Variants in SCN2A observed in about 807,000 individuals in gnomAD.
SCN2A encodes the protein sodium channel protein type 2 subunit alpha.
In SCN2A, 20 loss-of-function variants were observed where a neutral mutation model predicts 188.7. The ratio of observed to expected loss-of-function variants is 0.11; its 90% confidence interval spans 0.07 to 0.15. The LOEUF (loss-of-function observed/expected upper bound fraction) is 0.15. SCN2A is among the 10% of genes least tolerant of loss of function. The pLI, the probability that SCN2A is intolerant of heterozygous loss-of-function variation, is 1.00. For synonymous variants in SCN2A, 804 were observed against 833.1 expected, an observed-to-expected ratio of 0.97 and a Z score of 0.60; for missense variants, 1,278 against 2,445.0, an observed-to-expected ratio of 0.52 and a Z score of 10.07.
At chr2:165,359,013 C>T (rs1219189021) in intron 17 of SCN2A, among the ~76,000 whole-genome samples, 1 of 152,004 alleles carries the variant, frequency 6.6e-6, no homozygotes, top group Non-Finnish European at 1.5e-5. Context: ...ATACAGTTTC[C>T]TCTCCTTTTG....
Position 165,290,839 on chromosome 2 carries a change from A to G in SCN2A, c.-51-4934A>G, listed in dbSNP as rs114645478. On this transcript the variant is annotated intron_variant, in intron 1 of 26. Transcript: ENST00000375437. ...GGAAGTTGGTACACATGGAAGATAT[A>G]CCATATGTATATATCCCGATATTGA... 1,180 of 903,714 alleles carry G rather than the reference A, an allele frequency of 1.3e-3. 4 individuals are homozygous for G. Among genetic ancestry groups the G allele is most frequent in the African/African-American group, 0.013 (720 of 55,676 alleles). The allele number at this position is 903,714 out of a possible 1,614,324, so 56.0% of individuals were successfully genotyped here.
intron 16 of SCN2A, 71 bp from the exon 17 acceptor site, chr2:165,354,121 G>C: frequency 6.3e-7 from 1 of 1,591,246 alleles, no homozygotes. Context: ...AACAATCTTA[G>C]AAAACTAATG....
chr2:165,298,348 T>C (rs759193780), intron 3 of SCN2A, among the ~76,000 whole-genome samples: 2 of 152,300 alleles, frequency 1.3e-5, no homozygotes, highest in Non-Finnish European at 2.9e-5. Context: ...ACAGGGTACT[T>C]ATGTCATTTC....
In SCN2A at chr2:165,389,993, C is replaced by T. The variant is rs1391132790; in HGVS notation, c.*169C>T. ...AAGACAGAGACCTCTGGTCAGCAAA[C>T]TGGAACTCAGTAAACTGGAGAAATA... On this transcript the variant is annotated 3_prime_UTR_variant, in exon 27 of 27. Coordinates refer to ENST00000375437, the MANE Select transcript of SCN2A (RefSeq NM_001040142.2). This position sits in a 1 kb window ranked among gnomAD's most constrained non-coding sequence, Gnocchi z 4.2. 1.3e-5 allele frequency: 14 copies of T among 1,100,760 alleles called. No homozygotes were observed. The highest frequency in any genetic ancestry group is 1.6e-5 in the Non-Finnish European group (13 of 796,104). 68.2% of individuals were successfully genotyped at this position (1,100,760 alleles called of 1,614,324 possible).
intron 1 of SCN2A, among the ~76,000 whole-genome samples, chr2:165,259,714 T>G (rs951736473): frequency 2.6e-5 from 4 of 152,128 alleles, no homozygotes; most frequent in African/African-American, 7.2e-5. Context: ...AGTTACTTCC[T>G]CCACCGAATT....
At chr2:165,299,387 A>G (rs917366291) in intron 3 of SCN2A, among the ~76,000 whole-genome samples, 1 of 152,196 alleles carries the variant, frequency 6.6e-6, no homozygotes, top group Non-Finnish European at 1.5e-5. Flanking sequence ...AGGCAAATCT[A>G]TTAAGGTATG....
Position 165,308,688 on chromosome 2 carries a change from A to G in SCN2A, c.499A>G (p.Thr167Ala). 6.2e-7 allele frequency: 1 copy of G among 1,612,188 alleles called. No homozygotes were observed. Among genetic ancestry groups the G allele is most frequent in the Non-Finnish European group, 8.5e-7 (1 of 1,178,608 alleles). Reference protein sequence around the residue: ...NVEYTFTGIYTFESLIKILAR... With the variant: ...NVEYTFTGIYAFESLIKILAR... Reference sequence around the variant, plus strand: ...CAGGTATACCTTTACAGGAATTTATACTTTTGAATCACTTATTAAAATACT... The same window carrying G: ...CAGGTATACCTTTACAGGAATTTATGCTTTTGAATCACTTATTAAAATACT... The change falls in exon 5 of 27, where the codon ACT becomes GCT. Residue 167 changes from threonine (T) to alanine (A), a missense_variant. By Grantham distance (58) the Thr-to-Ala change is moderately conservative (BLOSUM62 0). Coordinates refer to ENST00000375437, the MANE Select transcript of SCN2A (RefSeq NM_001040142.2).
chr2:165,375,048 C>G, intron 22 of SCN2A, 82 bp downstream of exon 22: 2 of 1,173,830 alleles, frequency 1.7e-6, no homozygotes, highest in Non-Finnish European at 2.5e-6. Context: ...AGATATCCAC[C>G]TGTTAGAATG....
intron 6 of SCN2A, among the ~76,000 whole-genome samples, chr2:165,309,790 T>A (rs1408608944): frequency 4.6e-5 from 7 of 152,154 alleles, no homozygotes; most frequent in Non-Finnish European, 1.0e-4. Context: ...ACTGGCAATC[T>A]TTTAAGCTGC....
chr2:165,382,776 T>A (rs1701671320), intron 25 of SCN2A, among the ~76,000 whole-genome samples: 1 of 152,136 alleles, frequency 6.6e-6, no homozygotes, highest in South Asian at 2.1e-4. Context: ...ATGTCCAGAC[T>A]GAAATAAGGA....
chr2:165,263,783 G>A (rs1342154244), intron 1 of SCN2A, among the ~76,000 whole-genome samples: 1 of 151,502 alleles, frequency 6.6e-6, no homozygotes, highest in African/African-American at 2.4e-5. Context: ...AATTTGTTGT[G>A]TTTCCATTTG....
chr2:165,359,334 T>C (rs935891079), intron 17 of SCN2A, among the ~76,000 whole-genome samples: 1 of 152,154 alleles, frequency 6.6e-6, no homozygotes, highest in Non-Finnish European at 1.5e-5. Context: ...GATAATAGCT[T>C]GTTTCTCGGA....
intron 7 of SCN2A, 60 bp downstream of exon 7, chr2:165,310,655 A>T: frequency 8.2e-7 from 1 of 1,215,232 alleles, no homozygotes. Flanking sequence ...AATATTATAT[A>T]TAATGGAAAT....
At chr2:165,327,250 CT>C in intron 13 of SCN2A, 1 of 427,294 alleles carries the variant, frequency 2.3e-6, no homozygotes, top group Non-Finnish European at 4.3e-6. Context: ...AACATTGAAA[CT>C]TGTGTGCATG....
At chr2:165,317,593 A>T (rs558473749) in intron 11 of SCN2A, among the ~76,000 whole-genome samples, 1 of 152,284 alleles carries the variant, frequency 6.6e-6, no homozygotes, top group South Asian at 2.1e-4. Context: ...CTAATTGAAT[A>T]AAACTAATTC....
intron 1 of SCN2A, among the ~76,000 whole-genome samples, chr2:165,290,073 T>G (rs1696029098): frequency 6.6e-6 from 1 of 152,162 alleles, no homozygotes; most frequent in Non-Finnish European, 1.5e-5. Flanking sequence ...CTCTGTTTAT[T>G]CCTGTTTCTT....
At chr2:165,258,680 AC>A (rs1694436677) in intron 1 of SCN2A, among the ~76,000 whole-genome samples, 1 of 152,244 alleles carries the variant, frequency 6.6e-6, no homozygotes, top group Admixed American at 6.5e-5. Context: ...CATGGCATCA[AC>A]CTAAATACTC....
At chr2:165,351,678 A>C (rs1699926618) in intron 16 of SCN2A, among the ~76,000 whole-genome samples, 1 of 152,158 alleles carries the variant, frequency 6.6e-6, no homozygotes, top group Non-Finnish European at 1.5e-5. Context: ...CCTGCCTTAT[A>C]GAGTTGTGAG....
At chr2:165,241,394 C>G (rs1012314043) in intron 1 of SCN2A, among the ~76,000 whole-genome samples, 1 of 152,108 alleles carries the variant, frequency 6.6e-6, no homozygotes, top group Non-Finnish European at 1.5e-5. Context: ...ATGGCTTTCC[C>G]TCCTACCTAA....
Sources: allele counts gnomAD v4.1 joint callset (sites outside exome capture counted in the v4.1 genomes callset), GRCh38; gene constraint gnomAD v4.1.1; non-coding constraint Gnocchi (gnomAD v3.1); transcripts MANE v1.5; gene names NCBI Gene and HGNC (gene_info 2026-07-23, HGNC 2026-07-21).